The following GPHN variants were observed in gnomAD, a reference collection of about 807,000 sequenced individuals.
GPHN encodes gephyrin.
In GPHN, 17 loss-of-function variants were observed where a neutral mutation model predicts 95.5. The observed-to-expected ratio is 0.18, with a 90% CI of 0.12 to 0.27. The LOEUF is 0.27. Among genes scored for constraint, GPHN ranks in the 10% least tolerant of loss-of-function variants. GPHN has a pLI of 1.00. For missense variants in GPHN, 660 were observed against 978.1 expected (o/e 0.67, Z 4.34); for synonymous variants, 320 against 322.5 (o/e 0.99, Z 0.08).
the GPHN span, among the ~76,000 whole-genome samples, chr14:67,516,761 G>A: frequency 6.6e-6 from 1 of 152,208 alleles, no homozygotes; most frequent in Non-Finnish European, 1.5e-5. Flanking sequence ...CCATCCCCAT[G>A]TATATCGTGT....
intron 4 of GPHN, among the ~76,000 whole-genome samples, chr14:66,850,199 CT>C: frequency 6.6e-6 from 1 of 152,154 alleles, no homozygotes; most frequent in South Asian, 2.1e-4. Flanking sequence ...ATAATTTGGA[CT>C]TTTAATACAC....
the GPHN span, chr14:67,648,931 T>TA: frequency 6.6e-6 from 1 of 152,212 alleles, no homozygotes; most frequent in African/African-American, 2.4e-5. Context: ...GGTTCAGGGC[T>TA]ATAGAGAACC....
chr14:66,683,053 A>C (rs2067038647), intron 2 of GPHN, among the ~76,000 whole-genome samples: 2 of 151,800 alleles, frequency 1.3e-5, no homozygotes, highest in South Asian at 4.2e-4. Context: ...GAAGGACAAA[A>C]TAATTCTCAG....
At chr14:67,682,212 A>G in the GPHN span, among the ~76,000 whole-genome samples, 1 of 152,232 alleles carries the variant, frequency 6.6e-6, no homozygotes, top group African/African-American at 2.4e-5. Flanking sequence ...ACCTTGGGTA[A>G]GGCAATGATT....
intron 4 of GPHN, among the ~76,000 whole-genome samples, chr14:66,878,441 G>A (rs572563671): frequency 6.6e-6 from 1 of 152,200 alleles, no homozygotes; most frequent in South Asian, 2.1e-4. Context: ...CCTACAGAAT[G>A]GGAGAAAATT....
the GPHN span, among the ~76,000 whole-genome samples, chr14:67,315,712 A>G: frequency 2.0e-5 from 3 of 152,186 alleles, no homozygotes; most frequent in East Asian, 5.8e-4. Context: ...ATCACCTGAG[A>G]TTAGGAGTTT....
At chr14:66,895,403 A>C (rs1486367215) in intron 5 of GPHN, among the ~76,000 whole-genome samples, 1 of 152,192 alleles carries the variant, frequency 6.6e-6, no homozygotes, top group Non-Finnish European at 1.5e-5. Flanking sequence ...GATATACCTA[A>C]TGTAAATGAC....
At chr14:67,468,842 C>T in the GPHN span, among the ~76,000 whole-genome samples, 1 of 152,064 alleles carries the variant, frequency 6.6e-6, no homozygotes, top group Non-Finnish European at 1.5e-5. Context: ...TTGCAGTGAG[C>T]TGGGATTGCA....
chr14:66,710,204 T>C (rs2069484857), intron 2 of GPHN, among the ~76,000 whole-genome samples: 1 of 152,230 alleles, frequency 6.6e-6, no homozygotes, highest in Admixed American at 6.5e-5. Flanking sequence ...TTGATAACTG[T>C]ATATTAAGAT....
At chr14:67,448,242 G>A in the GPHN span, among the ~76,000 whole-genome samples, 34 of 140,910 alleles carry the variant, frequency 2.4e-4, no homozygotes, top group Admixed American at 2.2e-3. Context: ...AGGTTCAAGC[G>A]ATTCTCCTGC....
chr14:67,223,059 G>T, the GPHN span, among the ~76,000 whole-genome samples: 3 of 148,444 alleles, frequency 2.0e-5, no homozygotes, highest in East Asian at 4.0e-4. Context: ...GAGTGCAGTG[G>T]CACAATCTTG....
At chr14:66,749,127 G>C (rs943533909) in intron 2 of GPHN, among the ~76,000 whole-genome samples, 28 of 151,936 alleles carry the variant, frequency 1.8e-4, no homozygotes, top group Middle Eastern at 3.4e-3. Context: ...TTTCAGATAG[G>C]CTTCTTTTAG....
rs934090494 is a variant in GPHN, at chr14:66,700,796, G to A, written c.143+19611G>A. 9.9e-5 allele frequency among the ~76,000 whole-genome samples: 15 copies of A among 152,036 alleles called. No individual in the cohort carries two copies. The South Asian group carries it at 1.5e-3, about 15-fold the overall frequency. On this transcript the variant is annotated intron_variant, in intron 2 of 22. Coordinates refer to ENST00000478722, the MANE Select transcript of GPHN (RefSeq NM_020806.5). The stretch of plus-strand genomic sequence containing the variant: ...AAATTAGCTGGGCGTGGTGGCGTGC[G>A]CCTATAGTCCCAGCTACTTGGGAAG...
At chr14:67,576,984 T>C in the GPHN span, among the ~76,000 whole-genome samples, 6 of 152,204 alleles carry the variant, frequency 3.9e-5, no homozygotes, top group Middle Eastern at 3.4e-3. The surrounding 1 kb of genome is among the most constrained non-coding windows in gnomAD (Gnocchi z 4.0). Context: ...TCTGACCAAT[T>C]CATATGCCCC....
intron 3 of GPHN, 126 bp from the exon 4 acceptor site, chr14:66,824,348 A>G: frequency 3.2e-6 from 2 of 621,156 alleles, no homozygotes; most frequent in Non-Finnish European, 6.0e-6. Context: ...GTGCTTAGAA[A>G]TTTTCTTACT....
chr14:67,724,679 T>A, the GPHN span: 1 of 1,046,128 alleles, frequency 9.6e-7, no homozygotes, highest in African/African-American at 1.6e-5. Context: ...TTGTGTTTCC[T>A]CCTAGGCTTG....
At chr14:67,628,886 A>AAAAGG in the GPHN span, among the ~76,000 whole-genome samples, 1,278 of 152,342 alleles carry the variant, frequency 8.4e-3, 17 homozygotes, top group African/African-American at 0.028. Context: ...GTATGTACCC[A>AAAAGG]AAAGGACTGA....
the GPHN span, among the ~76,000 whole-genome samples, chr14:67,441,655 G>A: frequency 6.6e-6 from 1 of 151,650 alleles, no homozygotes; most frequent in Non-Finnish European, 1.5e-5. Flanking sequence ...AATAGACTGA[G>A]TGAAGCAGAC....
intron 4 of GPHN, among the ~76,000 whole-genome samples, chr14:66,877,451 G>A (rs995047128): frequency 6.6e-6 from 1 of 152,076 alleles, no homozygotes; most frequent in African/African-American, 2.4e-5. Flanking sequence ...CAAATTGTCT[G>A]TTTGCAGATG....
Sources: allele counts gnomAD v4.1 joint callset (sites outside exome capture counted in the v4.1 genomes callset), GRCh38; gene constraint gnomAD v4.1.1; non-coding constraint Gnocchi (gnomAD v3.1); transcripts MANE v1.5; gene names NCBI Gene and HGNC (gene_info 2026-07-23, HGNC 2026-07-21).